Variants in ZNRF2 observed in about 807,000 individuals in gnomAD.
The protein encoded by ZNRF2 is zinc and ring finger 2.
Under a neutral mutation model 20.4 loss-of-function variants are expected in ZNRF2, and 16 were observed. The ratio of observed to expected loss-of-function variants is 0.79; its 90% CI spans 0.53 to 1.19. The LOEUF is 1.19. Ranked by LOEUF, ZNRF2 falls within the 50% of genes most tolerant of loss-of-function variation. The pLI is 0.00. For synonymous variants in ZNRF2, 178 were observed against 144.9 expected (o/e 1.23, Z -1.64); for missense variants, 363 against 332.4 (o/e 1.09, Z -0.72).
At chr7:30,295,819 A>T (rs1168258825) in intron 1 of ZNRF2, among the ~76,000 whole-genome samples, 3 of 152,226 alleles carry the variant, frequency 2.0e-5, no homozygotes, top group Non-Finnish European at 4.4e-5. Flanking sequence ...TGAATGAAAA[A>T]ATTGAAACAT....
intron 1 of ZNRF2, among the ~76,000 whole-genome samples, chr7:30,303,378 T>C (rs1193627009): frequency 6.6e-6 from 1 of 152,224 alleles, no homozygotes; most frequent in East Asian, 1.9e-4. Context: ...ATTTTTTAGA[T>C]GTTTTATGGC....
intron 1 of ZNRF2, among the ~76,000 whole-genome samples, chr7:30,295,048 A>AGTGT (rs1562603702): frequency 5.7e-3 from 447 of 78,988 alleles, no homozygotes; most frequent in Non-Finnish European, 8.2e-3. Context: ...AGAGAGAGAG[A>AGTGT]GAGTGTGTGT....
intron 1 of ZNRF2, among the ~76,000 whole-genome samples, chr7:30,291,479 A>G (rs552925320): frequency 1.3e-5 from 2 of 152,364 alleles, no homozygotes; most frequent in South Asian, 2.1e-4. Context: ...CTTTTAAAAT[A>G]TAACTGATAG....
intron 2 of ZNRF2, among the ~76,000 whole-genome samples, chr7:30,326,974 G>T (rs907909138): frequency 6.6e-6 from 1 of 151,794 alleles, no homozygotes; most frequent in African/African-American, 2.4e-5. Context: ...TTTTTTCATG[G>T]GGTTGTTTGC....
intron 2 of ZNRF2, among the ~76,000 whole-genome samples, chr7:30,341,146 G>C (rs879233833): frequency 1.3e-5 from 2 of 151,514 alleles, no homozygotes; most frequent in Non-Finnish European, 3.0e-5. Context: ...GTCTGGCTAG[G>C]GGTCTACCTA....
chr7:30,360,400 A>G (rs1013022151), intron 3 of ZNRF2, among the ~76,000 whole-genome samples: 3 of 152,216 alleles, frequency 2.0e-5, no homozygotes, highest in Non-Finnish European at 4.4e-5. Context: ...GTACACAATG[A>G]AAATGTAAAA....
At chr7:30,360,239 A>G (rs934537956) in intron 3 of ZNRF2, among the ~76,000 whole-genome samples, 1 of 152,170 alleles carries the variant, frequency 6.6e-6, no homozygotes, top group Admixed American at 6.5e-5. Context: ...GTGATTTTTT[A>G]AAGTCATTTG....
intron 2 of ZNRF2, among the ~76,000 whole-genome samples, chr7:30,347,726 T>C (rs1799900081): frequency 6.6e-6 from 1 of 151,930 alleles, no homozygotes; most frequent in African/African-American, 2.4e-5. Flanking sequence ...AAAAATAAAA[T>C]AAAACAAAAT....
In ZNRF2 at chr7:30,320,141, T is replaced by G. The variant is rs552337493; in HGVS notation, c.470-3501T>G. Among the ~76,000 whole-genome samples, 10 of 152,160 alleles carry G rather than the reference T, an allele frequency of 6.6e-5. No homozygotes were observed. In the East Asian group the frequency reaches 1.9e-3, roughly 29 times the overall value. The stretch of plus-strand genomic sequence containing the variant: ...AAGATAATACACTTCTTGAGTCCCA[T>G]TTTTTTCCAAGAGCTCTGAAGACCC... On this transcript the variant is annotated intron_variant, in intron 1 of 4. Transcript: ENST00000323037.
chr7:30,356,830 C>T (rs992398373), intron 3 of ZNRF2, among the ~76,000 whole-genome samples: 33 of 151,368 alleles, frequency 2.2e-4, no homozygotes, highest in Non-Finnish European at 3.8e-4. Flanking sequence ...CTCAGCCTCC[C>T]GAGTAGCTGG....
At position 30,367,672 on chromosome 7, in the gene ZNRF2, T is replaced by G. The variant is rs1470257347; in HGVS notation, c.*1660T>G. ...TGTGTATTATAAATAATTAAAGAGT[T>G]TTTAATTGCTTTCTGTATGATTCCA... On this transcript the variant is annotated 3_prime_UTR_variant, in exon 5 of 5. Coordinates refer to ENST00000323037, the MANE Select transcript of ZNRF2 (RefSeq NM_147128.4). The G allele has an allele frequency of 6.6e-6, 1 of 151,914 alleles. No homozygotes were observed. The highest frequency in any genetic ancestry group is 2.4e-5 in the African/African-American group (1 of 41,410). The allele number at this position is 151,914 out of a possible 1,614,324, so 9.4% of individuals were successfully genotyped here. A position where few individuals can be genotyped will look rare whatever the true frequency, so the allele number is the denominator to read the frequency against.
intron 1 of ZNRF2, among the ~76,000 whole-genome samples, chr7:30,288,450 C>G (rs1038376704): frequency 2.0e-5 from 3 of 152,040 alleles, no homozygotes; most frequent in Non-Finnish European, 4.4e-5. Flanking sequence ...AAATGAAAAA[C>G]AGTCCCCCCC....
chr7:30,322,311 C>T (rs539072609), intron 1 of ZNRF2, among the ~76,000 whole-genome samples: 82 of 152,250 alleles, frequency 5.4e-4, no homozygotes, highest in African/African-American at 1.9e-3. Flanking sequence ...TTATAAAGTT[C>T]GGCATGAGGT....
chr7:30,336,621 A>G (rs1164044619), intron 2 of ZNRF2, among the ~76,000 whole-genome samples: 1 of 152,048 alleles, frequency 6.6e-6, no homozygotes, highest in Non-Finnish European at 1.5e-5. Flanking sequence ...TTAATTTTTA[A>G]CTTTTTCTTT....
At chr7:30,330,509 C>A (rs1799621445) in intron 2 of ZNRF2, among the ~76,000 whole-genome samples, 1 of 152,122 alleles carries the variant, frequency 6.6e-6, no homozygotes, top group South Asian at 2.1e-4. Flanking sequence ...AGGCTGTCAG[C>A]ACCTTGATTC....
rs930985900 is a variant in ZNRF2 at position 30,317,188 on chromosome 7, A to ATTTATTTGGATATTTAT, written c.470-6452_470-6436dup. On this transcript the variant is annotated intron_variant, in intron 1 of 4. Coordinates refer to ENST00000323037, the MANE Select transcript of ZNRF2 (RefSeq NM_147128.4). ...GGCCAACTGTATAGTTCATTTCCGTATTTATTTGGATATTTATTAAGTGTT... is the reference window on the plus strand; with the variant it reads ...GGCCAACTGTATAGTTCATTTCCGTATTTATTTGGATATTTATTTTATTTGGATATTTATTAAGTGTT... Among the ~76,000 whole-genome samples the ATTTATTTGGATATTTAT allele has an allele frequency of 2.0e-5, 3 of 152,250 alleles. No individual in the cohort carries two copies. In the East Asian group the frequency reaches 5.8e-4, roughly 29 times the overall value.
intron 2 of ZNRF2, among the ~76,000 whole-genome samples, chr7:30,327,107 C>A (rs573043315): frequency 6.6e-6 from 1 of 152,108 alleles, no homozygotes. Flanking sequence ...TTGATAGTTT[C>A]CTTTGCTGTG....
intron 1 of ZNRF2, among the ~76,000 whole-genome samples, chr7:30,299,928 C>A (rs372446967): frequency 6.6e-6 from 1 of 151,496 alleles, no homozygotes. Context: ...TACAGGCGCC[C>A]GCCACCACAC....
intron 1 of ZNRF2, among the ~76,000 whole-genome samples, chr7:30,320,197 A>G (rs1799445962): frequency 6.6e-6 from 1 of 152,068 alleles, no homozygotes; most frequent in Non-Finnish European, 1.5e-5. Context: ...AATTATCTAT[A>G]TATGTTATAT....
Sources: gnomAD v4.1 joint callset for allele counts (sites outside exome capture counted in the v4.1 genomes callset) on GRCh38, gnomAD v4.1.1 for gene constraint, MANE v1.5 for transcripts, NCBI Gene and HGNC (gene_info 2026-07-23, HGNC 2026-07-21) for gene names.